The following ASCC3 variants were observed in gnomAD, a reference collection of about 807,000 sequenced individuals.
The protein encoded by ASCC3 is ASC-1 complex subunit P200.
A neutral mutation model predicts 256.3 loss-of-function variants in ASCC3; 158 were observed. The observed-to-expected ratio is 0.62, with a 90% CI of 0.54 to 0.70. The LOEUF (loss-of-function observed/expected upper bound fraction) is 0.70, where lower values mean the gene tolerates loss of function less well. Ranked by LOEUF, ASCC3 falls within the 30% of genes least tolerant of loss-of-function variation. The probability of loss-of-function intolerance (pLI) is 0.00; values close to 1 mark genes in which losing one functional copy is unlikely to be tolerated. For synonymous variants in ASCC3, 948 were observed against 883.4 expected, an observed-to-expected ratio of 1.07 and a Z score of -1.30; for missense variants, 2,259 against 2,626.0, an observed-to-expected ratio of 0.86 and a Z score of 3.05.
intron 4 of ASCC3, among the ~76,000 whole-genome samples, chr6:100,807,260 G>T (rs1369260151): frequency 6.6e-6 from 1 of 151,740 alleles, no homozygotes; most frequent in Non-Finnish European, 1.5e-5. Flanking sequence ...AAATGGTCAA[G>T]AAATATGAAA....
chr6:100,824,781 A>C (rs1166034292), intron 4 of ASCC3, among the ~76,000 whole-genome samples: 1 of 152,188 alleles, frequency 6.6e-6, no homozygotes, highest in Non-Finnish European at 1.5e-5. Context: ...TTAGAGGTAA[A>C]TATAAAACTC....
chr6:100,669,325 C>T (rs887745911), intron 14 of ASCC3, among the ~76,000 whole-genome samples: 1 of 148,822 alleles, frequency 6.7e-6, no homozygotes, highest in South Asian at 2.1e-4. Flanking sequence ...CATATATACA[C>T]TATATATATA....
intron 8 of ASCC3, among the ~76,000 whole-genome samples, chr6:100,796,606 C>T (rs1562302560): frequency 6.6e-6 from 1 of 152,050 alleles, no homozygotes; most frequent in Non-Finnish European, 1.5e-5. Context: ...TCTTCATACA[C>T]ACATAGAGAA....
intron 11 of ASCC3, among the ~76,000 whole-genome samples, chr6:100,725,064 T>G (rs1779560976): frequency 6.6e-6 from 1 of 151,928 alleles, no homozygotes; most frequent in Non-Finnish European, 1.5e-5. Flanking sequence ...TTAAAGTTAT[T>G]AAGAAGATAA....
At chr6:100,586,697 A>G (rs1771707704) in intron 36 of ASCC3, among the ~76,000 whole-genome samples, 1 of 152,152 alleles carries the variant, frequency 6.6e-6, no homozygotes, top group South Asian at 2.1e-4. Flanking sequence ...GGAGCTGTAG[A>G]CCTGAGCTGT....
chr6:100,838,463 G>T (rs1032353593), intron 4 of ASCC3, among the ~76,000 whole-genome samples: 1 of 151,980 alleles, frequency 6.6e-6, no homozygotes, highest in Non-Finnish European at 1.5e-5. Context: ...AAATGACCAT[G>T]AAAATTATGA....
chr6:100,782,290 C>T (rs1161554578), intron 8 of ASCC3, among the ~76,000 whole-genome samples: 1 of 152,090 alleles, frequency 6.6e-6, no homozygotes, highest in Non-Finnish European at 1.5e-5. Context: ...AATACTAATG[C>T]ATCACATGTG....
intron 8 of ASCC3, among the ~76,000 whole-genome samples, chr6:100,778,369 CAA>C (rs992898957): frequency 2.0e-5 from 3 of 150,738 alleles, no homozygotes; most frequent in Non-Finnish European, 4.4e-5. Flanking sequence ...ACTCAAATTT[CAA>C]AAGTTTGCAT....
chr6:100,747,911 G>C (rs1333433624), intron 10 of ASCC3, among the ~76,000 whole-genome samples: 1 of 152,004 alleles, frequency 6.6e-6, no homozygotes, highest in African/African-American at 2.4e-5. Flanking sequence ...GTATCATGTA[G>C]TATCTAGTGC....
intron 24 of ASCC3, among the ~76,000 whole-genome samples, chr6:100,640,505 G>C (rs2114888170): frequency 6.6e-6 from 1 of 152,236 alleles, no homozygotes; most frequent in East Asian, 1.9e-4. Flanking sequence ...GCAGACAAAA[G>C]ATAAAATGAA....
intron 20 of ASCC3, among the ~76,000 whole-genome samples, chr6:100,649,555 CA>C (rs1775554606): frequency 6.6e-6 from 1 of 151,440 alleles, no homozygotes; most frequent in African/African-American, 2.4e-5. Flanking sequence ...TACATGCATT[CA>C]AAATGTTTAC....
chr6:100,530,278 G>C, intron 37 of ASCC3: 2 of 1,367,576 alleles, frequency 1.5e-6, no homozygotes, highest in Non-Finnish European at 2.1e-6. Flanking sequence ...ACACCAACAT[G>C]AACAAGTTGA....
At chr6:100,877,408 A>AACAGTGAATAAATATTT (rs1774054391) in intron 1 of ASCC3, among the ~76,000 whole-genome samples, 1 of 152,212 alleles carries the variant, frequency 6.6e-6, no homozygotes, top group Admixed American at 6.5e-5. Flanking sequence ...AATAAATATT[A>AACAGTGAATAAATATTT]AACAGTGAAT....
chr6:100,835,019 A>C (rs985973165), intron 4 of ASCC3, among the ~76,000 whole-genome samples: 2 of 152,034 alleles, frequency 1.3e-5, no homozygotes, highest in Non-Finnish European at 2.9e-5. Flanking sequence ...CTGAGTTTCT[A>C]GGCATAGTAT....
chr6:100,560,454 G>A (rs80241032), intron 36 of ASCC3, among the ~76,000 whole-genome samples: 2,215 of 152,032 alleles, frequency 0.015, 43 homozygotes, highest in African/African-American at 0.051. Context: ...TCTGCCACCC[G>A]TGCCCTGAGG....
At chr6:100,779,889 T>C (rs1010703969) in intron 8 of ASCC3, among the ~76,000 whole-genome samples, 1 of 152,088 alleles carries the variant, frequency 6.6e-6, no homozygotes, top group African/African-American at 2.4e-5. Context: ...GAAGACAAAA[T>C]ATCAGCTACC....
At chr6:100,602,766 A>G (rs917333112) in intron 33 of ASCC3, among the ~76,000 whole-genome samples, 1 of 152,108 alleles carries the variant, frequency 6.6e-6, no homozygotes, top group East Asian at 1.9e-4. Flanking sequence ...AAAGACTGGT[A>G]TAACAAAATG....
intron 10 of ASCC3, among the ~76,000 whole-genome samples, chr6:100,739,040 C>T (rs1400022526): frequency 1.3e-5 from 2 of 152,084 alleles, no homozygotes; most frequent in African/African-American, 4.8e-5. Flanking sequence ...GGAATGCTTC[C>T]AGCTTTTGCC....
chr6:100,843,593 A>G (rs999105266), intron 4 of ASCC3, among the ~76,000 whole-genome samples: 5 of 152,158 alleles, frequency 3.3e-5, no homozygotes, highest in Non-Finnish European at 7.4e-5. Flanking sequence ...TACATCTCCA[A>G]TATGCTAGCC....
Sources: allele counts gnomAD v4.1 joint callset (sites outside exome capture counted in the v4.1 genomes callset), GRCh38; gene constraint gnomAD v4.1.1; transcripts MANE v1.5; gene names NCBI Gene and HGNC (gene_info 2026-07-23, HGNC 2026-07-21).